The following NISCH variants were observed in gnomAD, a reference collection of about 807,000 sequenced individuals.
The protein encoded by NISCH is I-1 receptor candidate protein.
A neutral mutation model predicts 138.4 loss-of-function variants in NISCH; 55 were observed. The ratio of observed to expected loss-of-function variants is 0.40; its 90% confidence interval spans 0.32 to 0.50. The LOEUF (loss-of-function observed/expected upper bound fraction) is 0.50, where lower values mean the gene tolerates loss of function less well. Ranked by LOEUF, NISCH falls within the 20% of genes least tolerant of loss-of-function variation. The pLI, the probability that NISCH is intolerant of heterozygous loss-of-function variation, is 0.71. For synonymous variants in NISCH, 860 were observed against 861.5 expected, an observed-to-expected ratio of 1.00 and a Z score of 0.03; for missense variants, 1,643 against 2,005.5, an observed-to-expected ratio of 0.82 and a Z score of 3.45.
At chr3:52,476,234 A>G in intron 7 of NISCH, 1 of 574,638 alleles carries the variant, frequency 1.7e-6, no homozygotes, top group Non-Finnish European at 3.1e-6. Context: ...GCCAGGACTT[A>G]ATTCTAAGTG....
intron 15 of NISCH, among the ~76,000 whole-genome samples, chr3:52,486,141 G>T (rs896266613): frequency 2.6e-5 from 4 of 152,130 alleles, no homozygotes; most frequent in Non-Finnish European, 4.4e-5. Context: ...ACTGAGTCTC[G>T]CTCTGTCGCC....
rs267599890 is a variant in NISCH, at chr3:52,484,612, C to G, written c.1628C>G (p.Ser543Cys). The G allele has an allele frequency of 1.2e-6, 2 of 1,613,872 alleles. No individual in the cohort carries two copies. Reference sequence around the variant, plus strand: ...CCCATTGCCCAGGGATGTTCTGATTCCTTGGAGTCCATCCCTGCGGGACAG... The same window carrying G: ...CCCATTGCCCAGGGATGTTCTGATTGCTTGGAGTCCATCCCTGCGGGACAG... The part of the protein sequence containing the change: ...HQPIAQGCSD[S>C]LESIPAGQAA... The change falls in exon 14 of 21, where the codon TCC becomes TGC. Residue 543 changes from serine to cysteine, a missense_variant. Ser to Cys is a moderately radical substitution (Grantham distance 112). Coordinates refer to ENST00000345716, the MANE Select transcript of NISCH (RefSeq NM_007184.4).
At position 52,488,283 on chromosome 3, in the gene NISCH, G is replaced by A; in HGVS notation, c.2791G>A (p.Gly931Ser). The A allele has an allele frequency of 1.9e-6, 3 of 1,610,532 alleles. No individual in the cohort carries two copies. Among genetic ancestry groups the A allele is most frequent in the South Asian group, 1.1e-5 (1 of 91,086 alleles). Residue 931 changes from glycine (G) to serine (S), a missense_variant, in exon 16 of 21, where the codon GGC becomes AGC. Transcript: ENST00000345716. Reference protein sequence around the residue: ...KADFNPMPNRGTHNCRNRNSF... With the variant: ...KADFNPMPNRSTHNCRNRNSF... ...CGACTTCAACCCCATGCCCAACCGT[G>A]GCACCCACAACTGTCGCAACCGCAA...
intron 2 of NISCH, among the ~76,000 whole-genome samples, chr3:52,458,424 A>G (rs1160582854): frequency 6.6e-6 from 1 of 152,170 alleles, no homozygotes; most frequent in Non-Finnish European, 1.5e-5. Flanking sequence ...ACTTTTCTGA[A>G]TGTCTCTAAA....
At chr3:52,467,888 G>A (rs1283451334) in intron 3 of NISCH, among the ~76,000 whole-genome samples, 1 of 152,200 alleles carries the variant, frequency 6.6e-6, no homozygotes, top group African/African-American at 2.4e-5. Context: ...AGCCTCCCAA[G>A]TAGCTGGGAC....
intron 1 of NISCH, among the ~76,000 whole-genome samples, chr3:52,456,906 A>G (rs1036929259): frequency 2.0e-5 from 3 of 152,134 alleles, no homozygotes; most frequent in Admixed American, 2.0e-4. Flanking sequence ...ATTCAGCCAG[A>G]GGGCCATCTT....
chr3:52,488,088 C>T lies in NISCH; in HGVS notation c.2596C>T (p.Arg866Cys), dbSNP rs528407954. The T allele has an allele frequency of 9.7e-5, 157 of 1,612,854 alleles. No individual in the cohort carries two copies. Among genetic ancestry groups the T allele is most frequent in the Non-Finnish European group, 1.1e-4 (133 of 1,179,976 alleles). ...CGTCTACCTGGTCTACAGTGACAAG[C>T]GCATGGTGCAGACGGCCGCCGGGGA... ...FPVYLVYSDK[R>C]MVQTAAGDYS... is the part of the protein sequence containing the mutation. Residue 866 changes from arginine to cysteine, a missense_variant, in exon 16 of 21, where the codon CGC (arginine) becomes TGC (cysteine). Physicochemically the swap from Arg to Cys is radical, Grantham distance 180. Coordinates refer to ENST00000345716, the MANE Select transcript of NISCH (RefSeq NM_007184.4).
chr3:52,485,955 T>G, intron 15 of NISCH, 128 bp downstream of exon 15: 1 of 800,268 alleles, frequency 1.2e-6, no homozygotes, highest in Non-Finnish European at 2.1e-6. Flanking sequence ...TAGAACTATT[T>G]CTTCCTCTAA....
intron 13 of NISCH, 51 bp from the exon 14 acceptor site, chr3:52,484,462 T>TGCGCCCCC: frequency 1.3e-6 from 1 of 788,670 alleles, no homozygotes; most frequent in Non-Finnish European, 1.8e-6. Flanking sequence ...ACAGCCGCTC[T>TGCGCCCCC]CCCCGCCCCA....
intron 13 of NISCH, among the ~76,000 whole-genome samples, chr3:52,483,292 G>A (rs1707324651): frequency 1.3e-5 from 2 of 152,318 alleles, no homozygotes; most frequent in South Asian, 4.1e-4. Flanking sequence ...AGCTGGTCGG[G>A]GGTCTCGACC....
intron 8 of NISCH, 85 bp from the exon 9 acceptor site, chr3:52,477,489 C>T: frequency 8.7e-7 from 1 of 1,150,316 alleles, no homozygotes; most frequent in East Asian, 2.3e-5. Flanking sequence ...GAGGAAGCGT[C>T]CTGGGGTGCC....
Position 52,489,381 on chromosome 3 carries a change from G to A in NISCH, c.3159G>A (p.Pro1053=), listed in dbSNP as rs146259914. Reference sequence around the variant, plus strand: ...AGGTCCCAGCAGAGGCTCTGGCCCCGGCCCCAGCGGAAGTCCCAGCTCCAG... The same window carrying A: ...AGGTCCCAGCAGAGGCTCTGGCCCCAGCCCCAGCGGAAGTCCCAGCTCCAG... ...PQEVPAEALA[P]APAEVPAPAP... is the part of the protein sequence containing the mutation. Residue 1053 remains proline, a synonymous_variant, in exon 17 of 21, where the codon CCG becomes CCA. Transcript: ENST00000345716. 6.6e-5 allele frequency: 107 copies of A among 1,611,374 alleles called. No homozygotes were observed. In the African/African-American group the frequency reaches 9.2e-4, roughly 14 times the overall value.
intron 3 of NISCH, among the ~76,000 whole-genome samples, chr3:52,468,893 G>A (rs775199520): frequency 5.9e-5 from 9 of 151,866 alleles, no homozygotes; most frequent in Non-Finnish European, 1.3e-4. Flanking sequence ...GGCCCAAGAA[G>A]TCATGAAGGA....
At chr3:52,459,730 G>A (rs1578273149) in intron 3 of NISCH, among the ~76,000 whole-genome samples, 3 of 151,810 alleles carry the variant, frequency 2.0e-5, no homozygotes, top group African/African-American at 2.4e-5. Context: ...CACCGCACCT[G>A]GCCAAAACCA....
At position 52,490,836 on chromosome 3, in the gene NISCH, G is replaced by T; in HGVS notation, c.3742+3G>T. ...CGACCAGCATTTCCGGCTGACGGGT[G>T]GGTGACCCTCTGTGCTTTGTCCTAT... On this transcript the variant is annotated splice_donor_region_variant and intron_variant, in intron 19 of 20. Transcript: ENST00000345716. 6.2e-7 allele frequency: 1 copy of T among 1,614,122 alleles called. No individual in the cohort carries two copies. The highest frequency in any genetic ancestry group is 8.5e-7 in the Non-Finnish European group (1 of 1,179,980).
At chr3:52,479,962 G>A (rs1204538822) in intron 12 of NISCH, 100 bp downstream of exon 12, 3 of 1,064,306 alleles carry the variant, frequency 2.8e-6, no homozygotes, top group Non-Finnish European at 4.2e-6. Context: ...GGGCTGCCGA[G>A]TCCCAGCTGC....
intron 11 of NISCH, among the ~76,000 whole-genome samples, chr3:52,479,289 TC>T (rs898821684): frequency 1.3e-5 from 2 of 151,936 alleles, no homozygotes; most frequent in African/African-American, 4.8e-5. Flanking sequence ...CACCACTCCC[TC>T]CCACATTTGC....
At chr3:52,457,125 A>G (rs1706497022) in intron 1 of NISCH, among the ~76,000 whole-genome samples, 1 of 152,202 alleles carries the variant, frequency 6.6e-6, no homozygotes, top group African/African-American at 2.4e-5. Flanking sequence ...TGATTCTAAG[A>G]TGGAGGAACT....
In NISCH at chr3:52,487,194, A is replaced by G; in HGVS notation, c.1704-2A>G. 6.2e-7 allele frequency: 1 copy of G among 1,611,844 alleles called. No homozygotes were observed. The highest frequency in any genetic ancestry group is 8.5e-7 in the Non-Finnish European group (1 of 1,178,728). On this transcript the variant is annotated splice_acceptor_variant, in intron 15 of 20. Coordinates refer to ENST00000345716, the MANE Select transcript of NISCH (RefSeq NM_007184.4). LOFTEE classifies it high-confidence loss of function. The surrounding 1 kb of genome is among the most constrained non-coding windows in gnomAD (Gnocchi z 9.1). ...CCACTGACCTGGCCTCTCCCTGCAC[A>G]GCCCAGAACATGCCGAGCCGGAGGT...
Sources: allele counts gnomAD v4.1 joint callset (sites outside exome capture counted in the v4.1 genomes callset), GRCh38; gene constraint gnomAD v4.1.1; non-coding constraint Gnocchi (gnomAD v3.1); transcripts MANE v1.5; gene names NCBI Gene and HGNC (gene_info 2026-07-23, HGNC 2026-07-21).